The following SMARCD1 variants were observed in gnomAD, a reference collection of about 807,000 sequenced individuals.
SMARCD1 encodes the protein SWI/SNF related BAF chromatin remodeling complex subunit D1.
A neutral mutation model predicts 70.8 loss-of-function variants in SMARCD1; 16 were observed. That is an observed-to-expected ratio of 0.23 (90% confidence interval 0.15 to 0.34). SMARCD1 has a LOEUF of 0.34. Among genes scored for constraint, SMARCD1 ranks in the 10% least tolerant of loss-of-function variants. The pLI is 1.00. For synonymous variants in SMARCD1, 249 were observed against 246.0 expected, an observed-to-expected ratio of 1.01 and a Z score of -0.11; for missense variants, 409 against 655.5, an observed-to-expected ratio of 0.62 and a Z score of 4.11.
chr12:50,088,367 C>T, intron 5 of SMARCD1, 154 bp from the exon 6 acceptor site: 1 of 693,178 alleles, frequency 1.4e-6, no homozygotes, highest in South Asian at 1.5e-5. Flanking sequence ...TTAATACCTG[C>T]AGATGCCTAC....
intron 10 of SMARCD1, among the ~76,000 whole-genome samples, chr12:50,095,597 GA>G (rs566719885): frequency 0.017 from 2,531 of 152,322 alleles, 35 homozygotes; most frequent in Non-Finnish European, 0.024. Flanking sequence ...AAAGTGCTGG[GA>G]TCACAGGCGT....
intron 11 of SMARCD1, 119 bp from the exon 12 acceptor site, chr12:50,098,595 G>T (rs1262851342): frequency 1.2e-5 from 9 of 720,844 alleles, no homozygotes; most frequent in Non-Finnish European, 1.9e-5. Context: ...AGGTACTAGG[G>T]GTTGGTTAGA....
intron 11 of SMARCD1, 47 bp from the exon 12 acceptor site, chr12:50,098,667 C>T (rs750294462): frequency 1.4e-6 from 2 of 1,461,336 alleles, no homozygotes; most frequent in Middle Eastern, 1.7e-4. Flanking sequence ...AGGAAACAAG[C>T]CTTTTCTCCT....
chr12:50,099,146 C>T lies in SMARCD1; in HGVS notation c.*146C>T. 1.4e-6 allele frequency: 1 copy of T among 698,544 alleles called. No individual in the cohort carries two copies. Among genetic ancestry groups the T allele is most frequent in the Admixed American group, 2.2e-5 (1 of 44,864 alleles). 43.3% of individuals were successfully genotyped at this position (698,544 alleles called of 1,614,324 possible). On this transcript the variant is annotated 3_prime_UTR_variant, in exon 13 of 13. Coordinates refer to ENST00000394963, the MANE Select transcript of SMARCD1 (RefSeq NM_003076.5). ...GACAACACCAGAATGAAGAGGGTCT[C>T]ACAAGACACCTGTTATCCTCTTCTT...
At chr12:50,092,235 C>CTTTTTTTTTTTTTTTTTTT (rs60619880) in intron 9 of SMARCD1, among the ~76,000 whole-genome samples, 46 of 91,144 alleles carry the variant, frequency 5.0e-4, no homozygotes, top group East Asian at 7.3e-4. Context: ...TTCTTTCTTT[C>CTTTTTTTTTTTTTTTTTTT]TTTTTTTTTT....
chr12:50,092,235 C>CTTTTTTTT (rs60619880), intron 9 of SMARCD1, among the ~76,000 whole-genome samples: 248 of 91,120 alleles, frequency 2.7e-3, no homozygotes, highest in African/African-American at 3.8e-3. Context: ...TTCTTTCTTT[C>CTTTTTTTT]TTTTTTTTTT....
At chr12:50,095,306 G>C (rs1950882776) in intron 10 of SMARCD1, among the ~76,000 whole-genome samples, 1 of 152,050 alleles carries the variant, frequency 6.6e-6, no homozygotes, top group African/African-American at 2.4e-5. Flanking sequence ...TTTGCTGGAA[G>C]AGTTGATGCC....
chr12:50,091,275 A>ATT (rs1231476985), intron 9 of SMARCD1, among the ~76,000 whole-genome samples: 4 of 139,366 alleles, frequency 2.9e-5, no homozygotes, highest in Non-Finnish European at 3.2e-5. Flanking sequence ...TGAAATCAGA[A>ATT]TTTTTTTTTT....
At chr12:50,091,853 C>A (rs1950846595) in intron 9 of SMARCD1, among the ~76,000 whole-genome samples, 1 of 152,314 alleles carries the variant, frequency 6.6e-6, no homozygotes, top group East Asian at 1.9e-4. Context: ...GCTGGGATTA[C>A]AGGTGTGAGC....
intron 6 of SMARCD1, 121 bp downstream of exon 6, chr12:50,088,758 C>A: frequency 2.0e-6 from 1 of 510,256 alleles, no homozygotes; most frequent in Non-Finnish European, 3.5e-6. Context: ...TACACAGTAC[C>A]GCTCCAGGTG....
chr12:50,086,959 G>T, intron 4 of SMARCD1, 81 bp downstream of exon 4: 3 of 1,413,388 alleles, frequency 2.1e-6, no homozygotes, highest in Non-Finnish European at 3.0e-6. Flanking sequence ...GAAATCAAAG[G>T]CACAGCACAA....
intron 10 of SMARCD1, 129 bp from the exon 11 acceptor site, chr12:50,096,721 G>A (rs965869636): frequency 1.3e-6 from 1 of 775,372 alleles, no homozygotes; most frequent in Non-Finnish European, 2.1e-6. Context: ...AGCTCTATAT[G>A]ATGGTGCCAG....
intron 9 of SMARCD1, among the ~76,000 whole-genome samples, chr12:50,090,907 C>G (rs1270728858): frequency 1.5e-5 from 2 of 133,304 alleles, no homozygotes; most frequent in African/African-American, 2.8e-5. Flanking sequence ...TCACTGCAAG[C>G]TCCGCCTCCT....
chr12:50,090,455 T>G, intron 8 of SMARCD1, 38 bp from the exon 9 acceptor site: 1 of 1,613,366 alleles, frequency 6.2e-7, no homozygotes, highest in Non-Finnish European at 8.5e-7. Context: ...CTAGTTATGC[T>G]CAAACTGCTA....
Position 50,086,335 on chromosome 12 carries a change from A to AATC in SMARCD1, c.353_355dup (p.Asn118_Arg119insHis), listed in dbSNP as rs756826823. On this transcript the variant is annotated inframe_insertion, in exon 2 of 13. Transcript: ENST00000394963. ...GCAGGTCCAGCAGCAGGCGGTCCAA[A>AATC]ATCGAAACCACAAGTAAGATGATCC... 3 of 1,595,694 alleles carry AATC rather than the reference A, an allele frequency of 1.9e-6. No homozygotes were observed. The highest frequency in any genetic ancestry group is 2.6e-6 in the Non-Finnish European group (3 of 1,170,702).
At position 50,100,486 on chromosome 12, in the gene SMARCD1, T is replaced by A. The variant is rs1205403217; in HGVS notation, c.*1486T>A. On this transcript the variant is annotated 3_prime_UTR_variant, in exon 13 of 13. Coordinates refer to ENST00000394963, the MANE Select transcript of SMARCD1 (RefSeq NM_003076.5). ...TTGGGGCAGCTGAGCCCTGGCCGCCTCCTGGCTGGAACCATGAGAAGGAAG... is the reference window on the plus strand; with the variant it reads ...TTGGGGCAGCTGAGCCCTGGCCGCCACCTGGCTGGAACCATGAGAAGGAAG... 3 of 152,668 alleles carry A rather than the reference T, an allele frequency of 2.0e-5. No homozygotes were observed. Among genetic ancestry groups the A allele is most frequent in the African/African-American group, 7.2e-5 (3 of 41,454 alleles). 9.5% of individuals were successfully genotyped at this position (152,668 alleles called of 1,614,324 possible).
At position 50,090,363 on chromosome 12, in the gene SMARCD1, C is replaced by T. The variant is rs61751610; in HGVS notation, c.996C>T (p.His332=). The change falls in exon 8 of 13, where the codon CAC becomes CAT. Residue 332 remains histidine (H), a synonymous_variant. Transcript: ENST00000394963. The part of the protein sequence containing the change: ...YIKTHKLQDP[H]EREFVICDKY... ...AGACACATAAGCTCCAGGACCCTCA[C>T]GAGCGGGAGTTTGTCATCTGTGACA... 1,197 of 1,614,090 alleles carry T rather than the reference C, an allele frequency of 7.4e-4. 12 individuals are homozygous for T. In the East Asian group the frequency reaches 0.012, roughly 16 times the overall value.
chr12:50,086,121 G>A (rs1950786576), intron 1 of SMARCD1, 40 bp from the exon 2 acceptor site: 2 of 1,423,192 alleles, frequency 1.4e-6, no homozygotes, highest in Non-Finnish European at 1.9e-6. Flanking sequence ...GGGTTTAGCA[G>A]GTGAAACCAT....
intron 9 of SMARCD1, among the ~76,000 whole-genome samples, chr12:50,090,815 T>G (rs1282316358): frequency 2.5e-5 from 3 of 120,962 alleles, no homozygotes; most frequent in Admixed American, 1.0e-4. Flanking sequence ...TTTTATTGTA[T>G]TTGTGCTTTT....
Sources: allele counts gnomAD v4.1 joint callset (sites outside exome capture counted in the v4.1 genomes callset), GRCh38; gene constraint gnomAD v4.1.1; transcripts MANE v1.5; gene names NCBI Gene and HGNC (gene_info 2026-07-23, HGNC 2026-07-21).